The following PHLPP1 variants were observed in gnomAD, a reference collection of about 807,000 sequenced individuals.
PHLPP1 encodes PH domain and leucine rich repeat protein phosphatase 1, also known as PH domain leucine-rich repeat-containing protein phosphatase 1.
PHLPP1 carries 42 observed loss-of-function variants against 117.2 expected under a neutral mutation model. That is an observed-to-expected ratio of 0.36 (90% CI 0.28 to 0.46). The LOEUF is 0.46. PHLPP1 is among the 20% of genes least tolerant of loss of function. The probability of loss-of-function intolerance (pLI) is 1.00; values close to 1 mark genes in which losing one functional copy is unlikely to be tolerated. For synonymous variants in PHLPP1, 1,042 were observed against 970.7 expected, an observed-to-expected ratio of 1.07 and a Z score of -1.37; for missense variants, 2,084 against 2,241.9, an observed-to-expected ratio of 0.93 and a Z score of 1.42.
At chr18:62,790,317 G>C (rs1913421106) in intron 1 of PHLPP1, among the ~76,000 whole-genome samples, 1 of 152,298 alleles carries the variant, frequency 6.6e-6, no homozygotes, top group East Asian at 1.9e-4. Context: ...CATTCATAAA[G>C]TAGGAGCCAG....
At chr18:62,779,856 T>A (rs1184072464) in intron 1 of PHLPP1, among the ~76,000 whole-genome samples, 1 of 152,176 alleles carries the variant, frequency 6.6e-6, no homozygotes, top group Non-Finnish European at 1.5e-5. Context: ...TCTGTTTTTT[T>A]TGAGTTAAAG....
chr18:62,854,285 A>G (rs974832299), intron 3 of PHLPP1, among the ~76,000 whole-genome samples: 3 of 152,218 alleles, frequency 2.0e-5, no homozygotes, highest in Non-Finnish European at 4.4e-5. Context: ...CACTTCCCAA[A>G]TATCTATAAC....
At chr18:62,720,586 A>G (rs980265936) in intron 1 of PHLPP1, among the ~76,000 whole-genome samples, 1 of 152,182 alleles carries the variant, frequency 6.6e-6, no homozygotes, top group African/African-American at 2.4e-5. Context: ...GCATTAAGCT[A>G]TAATATTGAC....
chr18:62,965,837 T>TAA (rs397807088), intron 14 of PHLPP1, among the ~76,000 whole-genome samples: 7 of 135,880 alleles, frequency 5.2e-5, no homozygotes, highest in African/African-American at 1.9e-4. Flanking sequence ...CACTATACTT[T>TAA]AAAAAAAAAA....
intron 10 of PHLPP1, among the ~76,000 whole-genome samples, chr18:62,921,432 G>A (rs944155734): frequency 6.6e-6 from 1 of 152,134 alleles, no homozygotes; most frequent in African/African-American, 2.4e-5. Context: ...CTCCTAAGCC[G>A]AATTAGATTT....
rs527427981 is a variant in PHLPP1 at position 62,761,029 on chromosome 18, G to GT, written c.1576+43777dup. On this transcript the variant is annotated intron_variant, in intron 1 of 16. Coordinates refer to ENST00000262719, the MANE Select transcript of PHLPP1 (RefSeq NM_194449.4). ...CACCTGCCACCACACTGTCCAGCTA[G>GT]TTTTTTTGTATTTTTTGTAGCGATG... Among the ~76,000 whole-genome samples the GT allele has an allele frequency of 9.7e-4, 147 of 151,894 alleles. 1 individual carries two copies. The highest frequency in any genetic ancestry group is 3.4e-3 in the African/African-American group (142 of 41,468).
chr18:62,960,945 A>T (rs1386395356), intron 13 of PHLPP1, among the ~76,000 whole-genome samples: 1 of 152,224 alleles, frequency 6.6e-6, no homozygotes, highest in Non-Finnish European at 1.5e-5. Flanking sequence ...GATTAAGTGC[A>T]TATGAGGACT....
intron 10 of PHLPP1, among the ~76,000 whole-genome samples, chr18:62,933,061 G>A (rs1182025861): frequency 1.3e-5 from 2 of 152,160 alleles, no homozygotes; most frequent in African/African-American, 4.8e-5. Flanking sequence ...ATCCGAGGAG[G>A]TGAAAGATCT....
chr18:62,934,325 T>G (rs752954350), intron 10 of PHLPP1, among the ~76,000 whole-genome samples: 25 of 152,324 alleles, frequency 1.6e-4, no homozygotes, highest in Non-Finnish European at 3.2e-4. Context: ...TCAACCTATG[T>G]ACCCGTCGGT....
intron 3 of PHLPP1, among the ~76,000 whole-genome samples, chr18:62,853,294 G>C (rs945448981): frequency 7.4e-4 from 112 of 151,658 alleles, no homozygotes; most frequent in Middle Eastern, 3.5e-3. Flanking sequence ...TGTCCATCGT[G>C]GTAGAAAAGT....
chr18:62,811,222 A>C (rs978179575), intron 1 of PHLPP1, among the ~76,000 whole-genome samples: 5 of 152,214 alleles, frequency 3.3e-5, no homozygotes, highest in African/African-American at 1.2e-4. Context: ...TGGTAACATT[A>C]AATAGGGATC....
At chr18:62,764,023 C>T (rs1186518160) in intron 1 of PHLPP1, among the ~76,000 whole-genome samples, 3 of 151,716 alleles carry the variant, frequency 2.0e-5, no homozygotes, top group Non-Finnish European at 2.9e-5. Flanking sequence ...ATTAGCCGGG[C>T]GTGGTGGTGC....
chr18:62,758,724 G>A (rs953484114), intron 1 of PHLPP1, among the ~76,000 whole-genome samples: 6 of 152,032 alleles, frequency 3.9e-5, no homozygotes, highest in Non-Finnish European at 7.4e-5. Context: ...TGGAAAACCC[G>A]TGCCACCAGA....
At chr18:62,770,268 A>T (rs1028766431) in intron 1 of PHLPP1, among the ~76,000 whole-genome samples, 1 of 151,738 alleles carries the variant, frequency 6.6e-6, no homozygotes, top group South Asian at 2.1e-4. Flanking sequence ...GCACCACCAC[A>T]CCTGGCTAAT....
At chr18:62,802,350 G>A (rs138559740) in intron 1 of PHLPP1, among the ~76,000 whole-genome samples, 178 of 152,276 alleles carry the variant, frequency 1.2e-3, no homozygotes, top group African/African-American at 4.1e-3. Flanking sequence ...GGGTACATGT[G>A]GGGAAGAGGG....
intron 1 of PHLPP1, among the ~76,000 whole-genome samples, chr18:62,790,665 A>T (rs1379983090): frequency 6.6e-6 from 1 of 152,148 alleles, no homozygotes; most frequent in African/African-American, 2.4e-5. Context: ...GGAACAAATG[A>T]AGGTACCCAC....
At chr18:62,932,162 G>A (rs979218697) in intron 10 of PHLPP1, among the ~76,000 whole-genome samples, 5 of 152,062 alleles carry the variant, frequency 3.3e-5, no homozygotes, top group African/African-American at 4.8e-5. Context: ...CCCGGAGCAG[G>A]TGAATTCACA....
intron 12 of PHLPP1, 119 bp from the exon 13 acceptor site, chr18:62,958,510 T>C: frequency 1.2e-6 from 1 of 859,758 alleles, no homozygotes; most frequent in Non-Finnish European, 1.7e-6. Context: ...TTTCCACATT[T>C]GTCTAGTGTA....
chr18:62,849,579 T>C (rs1047342585), intron 3 of PHLPP1, among the ~76,000 whole-genome samples: 10 of 148,434 alleles, frequency 6.7e-5, no homozygotes, highest in African/African-American at 2.3e-4. Context: ...GAGAGTTGTT[T>C]GAACCCAGGA....
Sources: gnomAD v4.1 joint callset for allele counts (sites outside exome capture counted in the v4.1 genomes callset) on GRCh38, gnomAD v4.1.1 for gene constraint, MANE v1.5 for transcripts, NCBI Gene and HGNC (gene_info 2026-07-23, HGNC 2026-07-21) for gene names.